FRAS1: variants seen among roughly 807,000 people sequenced by gnomAD.
FRAS1 encodes extracellular matrix organizing protein FRAS1.
Under a neutral mutation model 435.2 loss-of-function variants are expected in FRAS1, and 290 were observed. The ratio of observed to expected loss-of-function variants is 0.67; its 90% CI spans 0.61 to 0.73. FRAS1 has a LOEUF of 0.73. Ranked by LOEUF, FRAS1 falls within the 30% of genes least tolerant of loss-of-function variation. The probability of loss-of-function intolerance (pLI) is 0.00; values close to 1 mark genes in which losing one functional copy is unlikely to be tolerated. For missense variants in FRAS1, 4,860 were observed against 5,001.5 expected (o/e 0.97, Z 0.85); for synonymous variants, 1,800 against 1,851.0 (o/e 0.97, Z 0.71).
At chr4:78,097,679 A>G (rs1741880128) in intron 2 of FRAS1, among the ~76,000 whole-genome samples, 1 of 152,190 alleles carries the variant, frequency 6.6e-6, no homozygotes, top group Non-Finnish European at 1.5e-5. Context: ...CAGCATGGAA[A>G]GACCTGCCCC....
intron 2 of FRAS1, among the ~76,000 whole-genome samples, chr4:78,226,948 G>A (rs1724302497): frequency 6.6e-6 from 1 of 152,138 alleles, no homozygotes. Context: ...GGTATAGCCA[G>A]TCTGCCGTTA....
chr4:78,287,145 G>GGAGAGAGA (rs1250321542), intron 14 of FRAS1, among the ~76,000 whole-genome samples: 12 of 151,590 alleles, frequency 7.9e-5, no homozygotes, highest in African/African-American at 2.9e-4. Flanking sequence ...CATGGTGTCT[G>GGAGAGAGA]GAGAGAGAGA....
chr4:78,449,027 T>C (rs528750466), intron 44 of FRAS1, among the ~76,000 whole-genome samples: 208 of 152,350 alleles, frequency 1.4e-3, no homozygotes, highest in Middle Eastern at 6.8e-3. Context: ...TTGGTAGTTC[T>C]CAAAGGTCTT....
chr4:78,518,422 G>GTATATA lies in FRAS1; in HGVS notation c.10390-883_10390-878dup, dbSNP rs71216219. Among the ~76,000 whole-genome samples the GTATATA allele has an allele frequency of 5.3e-3, 715 of 135,646 alleles. 14 individuals are homozygous for GTATATA. Among genetic ancestry groups the GTATATA allele is most frequent in the African/African-American group, 0.02 (654 of 32,988 alleles). 89.0% of individuals were successfully genotyped at this position (135,646 alleles called of 152,430 possible). ...GTTTTAAGCTAAGTTTTTTTGTTGT[G>GTATATA]TATATATATATATATATATATATAT... On this transcript the variant is annotated intron_variant, in intron 66 of 73. Transcript: ENST00000512123.
intron 60 of FRAS1, among the ~76,000 whole-genome samples, chr4:78,499,078 T>G (rs1720597556): frequency 6.6e-6 from 1 of 152,160 alleles, no homozygotes; most frequent in African/African-American, 2.4e-5. Flanking sequence ...TTATTAATCA[T>G]TTCCTGGCAA....
At chr4:78,250,511 T>G (rs1213402772) in intron 4 of FRAS1, among the ~76,000 whole-genome samples, 1 of 152,206 alleles carries the variant, frequency 6.6e-6, no homozygotes. Flanking sequence ...TTGTGTGTCA[T>G]TAATCATTTT....
At chr4:78,489,968 C>CAAAAAAAAA (rs61568957) in intron 59 of FRAS1, among the ~76,000 whole-genome samples, 4,104 of 92,086 alleles carry the variant, frequency 0.045, 430 homozygotes, top group Non-Finnish European at 0.066. Context: ...TAGTGGAAAA[C>CAAAAAAAAA]AAAAAAAAAA....
At chr4:78,290,851 T>C (rs1727863249) in intron 14 of FRAS1, among the ~76,000 whole-genome samples, 1 of 150,698 alleles carries the variant, frequency 6.6e-6, no homozygotes, top group South Asian at 2.1e-4. Flanking sequence ...TGTCACGATC[T>C]TGGCTCCTGG....
At chr4:78,498,508 AAGAAAAAAAAAAAAAAAGATTTATG>A in intron 60 of FRAS1, among the ~76,000 whole-genome samples, 1 of 36,976 alleles carries the variant, frequency 2.7e-5, no homozygotes, top group African/African-American at 4.3e-5. Context: ...CTCTGTCTCA[AAGAAAAAAAAAAAAAAAGATTTATG>A]CTGTGCTGCA....
rs1432820929 is a variant in FRAS1 at position 78,363,512 on chromosome 4, G to A, written c.2423-1G>A. 1 of 1,607,344 alleles carries A rather than the reference G, an allele frequency of 6.2e-7. No individual in the cohort carries two copies. Among genetic ancestry groups the A allele is most frequent in the Non-Finnish European group, 8.5e-7 (1 of 1,175,964 alleles). Reference sequence around the variant, plus strand: ...TCTCTGTGCTCCCCTTCCCCCTCCAGACTGCCATCACCTGTGCCAGCACTG... The same window carrying A: ...TCTCTGTGCTCCCCTTCCCCCTCCAAACTGCCATCACCTGTGCCAGCACTG... On this transcript the variant is annotated splice_acceptor_variant, in intron 20 of 73. Transcript: ENST00000512123. LOFTEE classifies it high-confidence loss of function.
At chr4:78,307,614 T>G (rs1364038063) in intron 14 of FRAS1, among the ~76,000 whole-genome samples, 4 of 152,184 alleles carry the variant, frequency 2.6e-5, no homozygotes, top group Non-Finnish European at 5.9e-5. Flanking sequence ...AGTGACCCGA[T>G]TTTCCAGGTG....
intron 64 of FRAS1, among the ~76,000 whole-genome samples, chr4:78,513,004 A>G (rs1721085431): frequency 6.6e-6 from 1 of 152,244 alleles, no homozygotes; most frequent in African/African-American, 2.4e-5. Context: ...CCTAACTTCC[A>G]TAGACATTCA....
intron 14 of FRAS1, among the ~76,000 whole-genome samples, chr4:78,288,215 G>T (rs192048042): frequency 6.6e-6 from 1 of 152,292 alleles, no homozygotes; most frequent in African/African-American, 2.4e-5. Flanking sequence ...TCTAATGGTT[G>T]GGCAATTTAG....
chr4:78,243,655 AATATAT>A (rs33933484), intron 3 of FRAS1, among the ~76,000 whole-genome samples: 12 of 150,958 alleles, frequency 7.9e-5, no homozygotes, highest in Admixed American at 1.3e-4. Flanking sequence ...GCCACTAGCA[AATATAT>A]ATATATATAT....
At chr4:78,410,605 T>A (rs1218205792) in intron 31 of FRAS1, among the ~76,000 whole-genome samples, 1 of 152,178 alleles carries the variant, frequency 6.6e-6, no homozygotes. Context: ...CTTTAGAATG[T>A]CCTCCATAGT....
intron 14 of FRAS1, among the ~76,000 whole-genome samples, chr4:78,303,575 C>T (rs1009186886): frequency 2.0e-5 from 3 of 152,102 alleles, no homozygotes; most frequent in Non-Finnish European, 4.4e-5. Flanking sequence ...CTTCACGTCC[C>T]TTGTAAGTTG....
At chr4:78,536,191 ATTT>A (rs11355997) in intron 71 of FRAS1, among the ~76,000 whole-genome samples, 28 of 103,952 alleles carry the variant, frequency 2.7e-4, no homozygotes, top group Middle Eastern at 0.01. Context: ...TTGTACATGG[ATTT>A]TTTTTTTTTT....
chr4:78,146,608 C>T (rs1226329100), intron 2 of FRAS1, among the ~76,000 whole-genome samples: 1 of 152,158 alleles, frequency 6.6e-6, no homozygotes, highest in African/African-American at 2.4e-5. Context: ...CTTATTTCGT[C>T]TATGTCCACT....
intron 6 of FRAS1, among the ~76,000 whole-genome samples, chr4:78,264,402 AT>A (rs752833514): frequency 1.3e-5 from 2 of 152,140 alleles, no homozygotes; most frequent in South Asian, 2.1e-4. Flanking sequence ...GATATGAGTG[AT>A]TTTTTTTCAT....
Sources: allele counts gnomAD v4.1 joint callset (sites outside exome capture counted in the v4.1 genomes callset), GRCh38; gene constraint gnomAD v4.1.1; transcripts MANE v1.5; gene names NCBI Gene and HGNC (gene_info 2026-07-23, HGNC 2026-07-21).